The following CCDC150 variants were observed in gnomAD, a reference collection of about 807,000 sequenced individuals.
CCDC150 encodes the protein coiled-coil domain-containing protein 150.
In CCDC150, 151 loss-of-function variants were observed where a neutral mutation model predicts 156.5. That is an observed-to-expected ratio of 0.97 (90% CI 0.85 to 1.10). The LOEUF (loss-of-function observed/expected upper bound fraction) is 1.10. CCDC150 is among the 50% of genes least tolerant of loss of function. The pLI is 0.00. For synonymous variants in CCDC150, 452 were observed against 429.4 expected (o/e 1.05, Z -0.65); for missense variants, 1,312 against 1,268.1 (o/e 1.03, Z -0.53).
intron 2 of CCDC150, among the ~76,000 whole-genome samples, chr2:196,655,005 A>G (rs1218184019): frequency 6.6e-6 from 1 of 152,222 alleles, no homozygotes; most frequent in Non-Finnish European, 1.5e-5. Flanking sequence ...GAGAGCAGTA[A>G]GACAGTAGCC....
intron 13 of CCDC150, among the ~76,000 whole-genome samples, chr2:196,692,575 A>G (rs533181676): frequency 1.3e-5 from 2 of 152,304 alleles, no homozygotes; most frequent in East Asian, 3.9e-4. Flanking sequence ...CCTTAATTTC[A>G]TTACTTACCC....
intron 13 of CCDC150, among the ~76,000 whole-genome samples, chr2:196,686,713 G>A (rs1695149823): frequency 6.6e-6 from 1 of 151,926 alleles, no homozygotes; most frequent in South Asian, 2.1e-4. Context: ...TTGTTATGCA[G>A]ATTATTTCAT....
intron 15 of CCDC150, among the ~76,000 whole-genome samples, chr2:196,701,881 A>C (rs1575883365): frequency 1.3e-5 from 2 of 152,198 alleles, no homozygotes; most frequent in South Asian, 4.1e-4. Context: ...TGGTTGGTGT[A>C]TGCATGTTCA....
intron 27 of CCDC150, 48 bp downstream of exon 27, chr2:196,732,200 C>G: frequency 6.2e-7 from 1 of 1,604,974 alleles, no homozygotes; most frequent in Non-Finnish European, 8.5e-7. Flanking sequence ...CTTGTTGCTT[C>G]TCAGATTTCT....
chr2:196,639,819 G>A (rs1692099494), intron 1 of CCDC150, 41 bp downstream of exon 1: 1 of 1,561,162 alleles, frequency 6.4e-7, no homozygotes, highest in South Asian at 1.2e-5. Flanking sequence ...GGTGGTCGGA[G>A]GCTCGCGAGG....
intron 15 of CCDC150, among the ~76,000 whole-genome samples, chr2:196,702,343 CTGTGTG>C (rs3220631): frequency 1.9e-4 from 27 of 143,756 alleles, no homozygotes; most frequent in South Asian, 1.6e-3. Flanking sequence ...GACTGAAGTG[CTGTGTG>C]TGTGTGTGTG....
intron 1 of CCDC150, 86 bp from the exon 2 acceptor site, chr2:196,646,255 A>T (rs187124338): frequency 2.4e-6 from 3 of 1,256,982 alleles, no homozygotes; most frequent in Non-Finnish European, 3.5e-6. Flanking sequence ...CAGGACAGTG[A>T]TGCCTAATCC....
At position 196,716,876 on chromosome 2, in the gene CCDC150, A is replaced by G. The variant is rs568143983; in HGVS notation, c.1867-1627A>G. Among the ~76,000 whole-genome samples, 24 of 104,852 alleles carry G rather than the reference A, an allele frequency of 2.3e-4. No individual in the cohort carries two copies. In the South Asian group the frequency reaches 7.7e-3, roughly 34 times the overall value. The allele number at this position is 104,852 out of a possible 152,430, so 68.8% of individuals were successfully genotyped here. A position where few individuals can be genotyped will look rare whatever the true frequency, so the allele number is the denominator to read the frequency against. Reference sequence around the variant, plus strand: ...TTTTTTTTTTTTTTTTTTTTTTGAGACAGAGAGTCTCGCTGTGTCGCCAGG... The same window carrying G: ...TTTTTTTTTTTTTTTTTTTTTTGAGGCAGAGAGTCTCGCTGTGTCGCCAGG... On this transcript the variant is annotated intron_variant, in intron 17 of 27. Coordinates refer to ENST00000389175, the MANE Select transcript of CCDC150 (RefSeq NM_001080539.2).
At chr2:196,675,668 A>G (rs992891620) in intron 10 of CCDC150, among the ~76,000 whole-genome samples, 2 of 152,184 alleles carry the variant, frequency 1.3e-5, no homozygotes, top group Non-Finnish European at 2.9e-5. Flanking sequence ...AGATAGTCTT[A>G]AAAGAATTCA....
rs1286868121 is a variant in CCDC150 at position 196,646,387 on chromosome 2, A to C, written c.59A>C (p.His20Pro). ...TVSRPVLSPT[H>P]INATASETFT... The stretch of plus-strand genomic sequence containing the variant: ...TCCAGACCGGTCCTTTCTCCAACCC[A>C]CATCAACGCTACAGCTTCTGAAACA... Residue 20 changes from histidine (H) to proline (P), a missense_variant, in exon 2 of 28, where the codon CAC (histidine) becomes CCC (proline). By Grantham distance (77) the His-to-Pro change is moderately conservative (BLOSUM62 -2). Coordinates refer to ENST00000389175, the MANE Select transcript of CCDC150 (RefSeq NM_001080539.2). The C allele has an allele frequency of 1.2e-6, 2 of 1,613,844 alleles. No homozygotes were observed. The highest frequency in any genetic ancestry group is 4.5e-5 in the East Asian group (2 of 44,874).
At chr2:196,695,578 TCACACCTGTAATCC>T (rs1434405019) in intron 14 of CCDC150, among the ~76,000 whole-genome samples, 1 of 152,106 alleles carries the variant, frequency 6.6e-6, no homozygotes, top group Non-Finnish European at 1.5e-5. Flanking sequence ...GCGCGGTGGC[TCACACCTGTAATCC>T]CAGCACTTTG....
Position 196,726,059 on chromosome 2 carries a change from G to A in CCDC150, c.2516G>A (p.Arg839Lys). Residue 839 changes from arginine (R) to lysine (K), a missense_variant, in exon 22 of 28, where the codon AGA becomes AAA. Physicochemically the swap from Arg to Lys is conservative, Grantham distance 26 (BLOSUM62 2). Transcript: ENST00000389175. ...CTAAGAAAGCAGTTTCAAACCGAGA[G>A]AGAAACTACAAAGAAAGTGGCACAA... ...EALRKQFQTE[R>K]ETTKKVAQRE... is the part of the protein sequence containing the mutation. 1 of 1,612,988 alleles carries A rather than the reference G, an allele frequency of 6.2e-7. No homozygotes were observed. Among genetic ancestry groups the A allele is most frequent in the Admixed American group, 1.7e-5 (1 of 59,934 alleles).
intron 23 of CCDC150, 92 bp from the exon 24 acceptor site, chr2:196,729,701 A>T (rs1469782098): frequency 1.2e-6 from 1 of 862,476 alleles, no homozygotes; most frequent in African/African-American, 1.7e-5. Flanking sequence ...TTTGGGTCTC[A>T]TATTGGATTC....
chr2:196,726,124 T>A (rs1369383498), intron 22 of CCDC150, 25 bp downstream of exon 22: 1 of 1,609,948 alleles, frequency 6.2e-7, no homozygotes, highest in Non-Finnish European at 8.5e-7. Context: ...AAAGTTTCTC[T>A]TTTGGTGAAT....
At chr2:196,703,870 C>A (rs1025548871) in intron 15 of CCDC150, among the ~76,000 whole-genome samples, 2 of 152,170 alleles carry the variant, frequency 1.3e-5, no homozygotes, top group African/African-American at 2.4e-5. Context: ...GTTTGCTGTT[C>A]ATATTCCTAT....
At chr2:196,646,968 AT>A (rs899369554) in intron 2 of CCDC150, among the ~76,000 whole-genome samples, 8 of 152,076 alleles carry the variant, frequency 5.3e-5, no homozygotes, top group African/African-American at 1.7e-4. Context: ...CTAAAAAACA[AT>A]TTTTTTCCCC....
intron 13 of CCDC150, among the ~76,000 whole-genome samples, chr2:196,682,027 C>T (rs1694858234): frequency 6.6e-6 from 1 of 151,846 alleles, no homozygotes; most frequent in Non-Finnish European, 1.5e-5. Flanking sequence ...GAAACTCTTG[C>T]CTAACTCAAG....
intron 7 of CCDC150, 83 bp from the exon 8 acceptor site, chr2:196,669,750 A>G: frequency 1.1e-6 from 1 of 932,848 alleles, no homozygotes; most frequent in South Asian, 1.5e-5. Flanking sequence ...AAAAATAGAC[A>G]TAAAATATTT....
chr2:196,696,535 C>T (rs1695842464), intron 14 of CCDC150, among the ~76,000 whole-genome samples: 1 of 152,172 alleles, frequency 6.6e-6, no homozygotes, highest in African/African-American at 2.4e-5. Flanking sequence ...TTTGACAGAT[C>T]TTGCCAGTGA....
Sources: gnomAD v4.1 joint callset for allele counts (sites outside exome capture counted in the v4.1 genomes callset) on GRCh38, gnomAD v4.1.1 for gene constraint, MANE v1.5 for transcripts, NCBI Gene and HGNC (gene_info 2026-07-23, HGNC 2026-07-21) for gene names.